Variants in ST6GALNAC3 observed in about 807,000 individuals in gnomAD.
ST6GALNAC3 encodes ST6 N-acetylgalactosaminide alpha-2,6-sialyltransferase 3.
A neutral mutation model predicts 32.7 loss-of-function variants in ST6GALNAC3; 25 were observed. That is an observed-to-expected ratio of 0.76 (90% CI 0.56 to 1.07). The LOEUF is 1.07. Among genes scored for constraint, ST6GALNAC3 ranks in the 50% least tolerant of loss-of-function variants. ST6GALNAC3 has a pLI of 0.00. For missense variants in ST6GALNAC3, 355 were observed against 382.4 expected (o/e 0.93, Z 0.60); for synonymous variants, 129 against 133.1 (o/e 0.97, Z 0.21).
chr1:76,499,358 AG>A (rs1661046751), intron 3 of ST6GALNAC3, among the ~76,000 whole-genome samples: 1 of 152,216 alleles, frequency 6.6e-6, no homozygotes, highest in Admixed American at 6.5e-5. Flanking sequence ...GCAGAAATAA[AG>A]TATTCCTGGA....
chr1:76,582,189 A>G (rs972394135), intron 3 of ST6GALNAC3, among the ~76,000 whole-genome samples: 7 of 152,188 alleles, frequency 4.6e-5, no homozygotes, highest in Admixed American at 2.6e-4. Flanking sequence ...ATGGTGCCGT[A>G]GACAATTAGG....
chr1:76,338,493 G>C (rs921329911), intron 2 of ST6GALNAC3, among the ~76,000 whole-genome samples: 1 of 152,168 alleles, frequency 6.6e-6, no homozygotes, highest in Admixed American at 6.5e-5. Flanking sequence ...CTGGCCCCCT[G>C]CACTGGGGCT....
chr1:76,413,261 TCAGA>T (rs1396792102), intron 3 of ST6GALNAC3, among the ~76,000 whole-genome samples: 1 of 152,128 alleles, frequency 6.6e-6, no homozygotes, highest in African/African-American at 2.4e-5. Flanking sequence ...GAATTACAAA[TCAGA>T]CAATCTTAGT....
At chr1:76,343,665 T>C (rs895942357) in intron 2 of ST6GALNAC3, among the ~76,000 whole-genome samples, 1 of 152,222 alleles carries the variant, frequency 6.6e-6, no homozygotes, top group African/African-American at 2.4e-5. Context: ...GCTACTTCTT[T>C]CTTCTCCTCA....
At chr1:76,360,439 A>G (rs1251799941) in intron 2 of ST6GALNAC3, among the ~76,000 whole-genome samples, 2 of 152,192 alleles carry the variant, frequency 1.3e-5, no homozygotes, top group African/African-American at 2.4e-5. Context: ...ATGGTGCCTA[A>G]CACTAAGCTG....
chr1:76,115,362 G>C (rs1648391527), intron 1 of ST6GALNAC3, among the ~76,000 whole-genome samples: 1 of 152,114 alleles, frequency 6.6e-6, no homozygotes, highest in Non-Finnish European at 1.5e-5. Flanking sequence ...TTGGGTAGCT[G>C]TAATTTTTCT....
At position 76,630,668 on chromosome 1, in the gene ST6GALNAC3, T is replaced by A. The variant is rs1414344058; in HGVS notation, c.*1862T>A. The A allele has an allele frequency of 1.0e-6, 1 of 985,562 alleles. No individual in the cohort carries two copies. Among genetic ancestry groups the A allele is most frequent in the Non-Finnish European group, 1.2e-6 (1 of 829,854 alleles). 61.1% of individuals were successfully genotyped at this position (985,562 alleles called of 1,614,324 possible). A position where few individuals can be genotyped will look rare whatever the true frequency, so the allele number is the denominator to read the frequency against. ...TATCATTAAAGTGTGCCATCTTGGA[T>A]AAAGGCCTTTTGCCTACTCTCTTCT... is the stretch of plus-strand genomic sequence containing the variant. On this transcript the variant is annotated 3_prime_UTR_variant, in exon 5 of 5. Transcript: ENST00000328299.
chr1:76,286,514 C>G (rs777018144), intron 1 of ST6GALNAC3, among the ~76,000 whole-genome samples: 7 of 152,206 alleles, frequency 4.6e-5, no homozygotes, highest in Non-Finnish European at 8.8e-5. Context: ...AGTAGGCCTC[C>G]TCCTGGCCTT....
chr1:76,104,569 T>C (rs191063385), intron 1 of ST6GALNAC3, among the ~76,000 whole-genome samples: 14 of 152,052 alleles, frequency 9.2e-5, no homozygotes, highest in African/African-American at 3.4e-4. Flanking sequence ...TGCCAGCTTC[T>C]TTTGTCCAGA....
At chr1:76,358,286 AC>A in intron 2 of ST6GALNAC3, among the ~76,000 whole-genome samples, 1 of 152,298 alleles carries the variant, frequency 6.6e-6, no homozygotes, top group South Asian at 2.1e-4. Flanking sequence ...AGATGTCAGA[AC>A]TTCCAACTAC....
rs113046133 is a variant in ST6GALNAC3 at position 76,627,545 on chromosome 1, T to C, written c.717T>C (p.Asn239=). The C allele has an allele frequency of 6.2e-7, 1 of 1,611,642 alleles. No individual in the cohort carries two copies. Among genetic ancestry groups the C allele is most frequent in the Non-Finnish European group, 8.5e-7 (1 of 1,178,166 alleles). Residue 239 remains asparagine (N), a synonymous_variant, in exon 4 of 5, where the codon AAT becomes AAC. Transcript: ENST00000328299. ...CYGIHVYGMI[N]DTYCKTEGYR... ...GCATTCACGTCTACGGGATGATAAA[T>C]GACACCTACTGCAAGTAAGATCACA...
At chr1:76,129,066 C>T (rs1331792595) in intron 1 of ST6GALNAC3, among the ~76,000 whole-genome samples, 2 of 152,162 alleles carry the variant, frequency 1.3e-5, no homozygotes, top group Non-Finnish European at 1.5e-5. Context: ...ATCATCCAAT[C>T]GAGGCAGTGA....
chr1:76,528,679 T>G (rs1248222343), intron 3 of ST6GALNAC3, among the ~76,000 whole-genome samples: 1 of 151,796 alleles, frequency 6.6e-6, no homozygotes. Flanking sequence ...TACTGTTCTC[T>G]CTCCACATTT....
At chr1:76,087,939 C>T (rs1646986366) in intron 1 of ST6GALNAC3, among the ~76,000 whole-genome samples, 1 of 152,148 alleles carries the variant, frequency 6.6e-6, no homozygotes, top group Non-Finnish European at 1.5e-5. Flanking sequence ...TATTAGAAAT[C>T]TATTTTATCT....
In ST6GALNAC3 at chr1:76,408,124, T is replaced by G. The variant is rs1653964389; in HGVS notation, c.214-3884T>G. On this transcript the variant is annotated intron_variant, in intron 2 of 4. Transcript: ENST00000328299. ...AGTCCCTTGGGCTTTGCAAGCAAGC[T>G]TTTTGTGCTACCTGAAGCTCCTGAT... Among the ~76,000 whole-genome samples the G allele has an allele frequency of 2.0e-5, 3 of 152,106 alleles. No homozygotes were observed. In the South Asian group the frequency reaches 6.2e-4, roughly 31 times the overall value.
chr1:76,142,995 G>A, intron 1 of ST6GALNAC3: 1 of 370,776 alleles, frequency 2.7e-6, no homozygotes, highest in Non-Finnish European at 5.4e-6. Context: ...ACCGGCAGAG[G>A]GCAAAGGAGG....
chr1:76,615,066 G>A (rs147031401), intron 3 of ST6GALNAC3, among the ~76,000 whole-genome samples: 7 of 152,030 alleles, frequency 4.6e-5, no homozygotes, highest in East Asian at 3.9e-4. Context: ...TCAGGAGTAC[G>A]AAGATGATGC....
At chr1:76,594,583 T>A (rs141020654) in intron 3 of ST6GALNAC3, among the ~76,000 whole-genome samples, 1 of 152,190 alleles carries the variant, frequency 6.6e-6, no homozygotes, top group African/African-American at 2.4e-5. Context: ...GATAAATAGA[T>A]GGATGGATGA....
At chr1:76,089,736 T>C (rs1011237606) in intron 1 of ST6GALNAC3, among the ~76,000 whole-genome samples, 2 of 152,196 alleles carry the variant, frequency 1.3e-5, no homozygotes, top group Non-Finnish European at 2.9e-5. Context: ...GTTGACAGTA[T>C]TGCCCTTAAG....
Sources: allele counts gnomAD v4.1 joint callset (sites outside exome capture counted in the v4.1 genomes callset), GRCh38; gene constraint gnomAD v4.1.1; transcripts MANE v1.5; gene names NCBI Gene and HGNC (gene_info 2026-07-23, HGNC 2026-07-21).